Variants in BRINP3 observed in about 807,000 individuals in gnomAD.
BRINP3 encodes BMP/retinoic acid-inducible neural-specific protein 3.
Under a neutral mutation model 71.0 loss-of-function variants are expected in BRINP3, and 19 were observed. That is an observed-to-expected ratio of 0.27 (90% confidence interval 0.19 to 0.39). The LOEUF is 0.39. Among genes scored for constraint, BRINP3 ranks in the 10% least tolerant of loss-of-function variants. The pLI is 1.00. For synonymous variants in BRINP3, 380 were observed against 337.7 expected (o/e 1.13, Z -1.37); for missense variants, 959 against 940.8 (o/e 1.02, Z -0.25).
intron 2 of BRINP3, among the ~76,000 whole-genome samples, chr1:190,386,999 C>T (rs1571921818): frequency 6.6e-6 from 1 of 151,918 alleles, no homozygotes; most frequent in Non-Finnish European, 1.5e-5. Flanking sequence ...CAAAAAATGT[C>T]ACCTCTTAGT....
intron 1 of BRINP3, among the ~76,000 whole-genome samples, chr1:190,462,254 A>C (rs1341911332): frequency 6.6e-6 from 1 of 152,158 alleles, no homozygotes; most frequent in Non-Finnish European, 1.5e-5. Flanking sequence ...TAAGGACAAA[A>C]ATAGAAAGTA....
chr1:190,203,309 C>T (rs529312873), intron 6 of BRINP3, among the ~76,000 whole-genome samples: 58 of 151,662 alleles, frequency 3.8e-4, no homozygotes, highest in African/African-American at 1.4e-3. Flanking sequence ...GTTTTTAAAA[C>T]ATATGCCTCT....
intron 2 of BRINP3, among the ~76,000 whole-genome samples, chr1:190,319,550 G>A (rs765178783): frequency 7.2e-5 from 11 of 152,112 alleles, no homozygotes; most frequent in Non-Finnish European, 1.6e-4. Context: ...CAGAAAGCAT[G>A]ATGGCTTCTG....
intron 2 of BRINP3, among the ~76,000 whole-genome samples, chr1:190,301,302 G>A (rs1664723994): frequency 1.4e-5 from 2 of 143,998 alleles, no homozygotes; most frequent in African/African-American, 2.5e-5. Context: ...AGTTCCCATA[G>A]AAACATTACC....
chr1:190,270,916 T>G (rs1662055522), intron 3 of BRINP3, among the ~76,000 whole-genome samples: 1 of 151,598 alleles, frequency 6.6e-6, no homozygotes, highest in South Asian at 2.1e-4. Flanking sequence ...GGAAGGAGAC[T>G]TCCACGTTTT....
chr1:190,270,310 C>T (rs1219058818), intron 3 of BRINP3, among the ~76,000 whole-genome samples: 1 of 151,030 alleles, frequency 6.6e-6, no homozygotes, highest in Non-Finnish European at 1.5e-5. Flanking sequence ...GTTGTTTAGG[C>T]ACTAGAAACA....
chr1:190,284,783 A>G (rs1301273400), intron 2 of BRINP3, among the ~76,000 whole-genome samples: 5 of 152,088 alleles, frequency 3.3e-5, no homozygotes, highest in Non-Finnish European at 5.9e-5. Flanking sequence ...AAAAGAAAGA[A>G]ACTCTTTGGG....
At chr1:190,150,209 G>C in intron 7 of BRINP3, among the ~76,000 whole-genome samples, 1 of 152,066 alleles carries the variant, frequency 6.6e-6, no homozygotes, top group South Asian at 2.1e-4. Flanking sequence ...CCATTTTAAT[G>C]AGTTGGTATA....
chr1:190,166,189 C>T (rs1260363501), intron 6 of BRINP3, among the ~76,000 whole-genome samples: 1 of 152,084 alleles, frequency 6.6e-6, no homozygotes, highest in Admixed American at 6.6e-5. Context: ...AAGTAAATGG[C>T]AAGCCTGTTC....
chr1:190,385,598 T>C (rs1438328281), intron 2 of BRINP3, among the ~76,000 whole-genome samples: 3 of 152,054 alleles, frequency 2.0e-5, no homozygotes, highest in Non-Finnish European at 4.4e-5. Context: ...CTGGAGAGGA[T>C]GTGAAGAAAT....
chr1:190,397,307 T>G (rs1209623706), intron 2 of BRINP3, among the ~76,000 whole-genome samples: 1 of 151,982 alleles, frequency 6.6e-6, no homozygotes, highest in Non-Finnish European at 1.5e-5. Flanking sequence ...GAATTGTTCA[T>G]AGATGAATAT....
At chr1:190,387,659 C>T (rs183750425) in intron 2 of BRINP3, among the ~76,000 whole-genome samples, 2 of 151,684 alleles carry the variant, frequency 1.3e-5, no homozygotes, top group African/African-American at 4.8e-5. Flanking sequence ...TTTCCGGTTG[C>T]TTTTCCTATG....
intron 2 of BRINP3, among the ~76,000 whole-genome samples, chr1:190,386,476 T>TTATGTTTAAAATG: frequency 6.6e-6 from 1 of 151,874 alleles, no homozygotes; most frequent in Non-Finnish European, 1.5e-5. Context: ...AACAAATAAG[T>TTATGTTTAAAATG]ATATTTAAAA....
At chr1:190,396,975 AC>A (rs1671621637) in intron 2 of BRINP3, among the ~76,000 whole-genome samples, 2 of 151,802 alleles carry the variant, frequency 1.3e-5, no homozygotes, top group East Asian at 1.9e-4. Context: ...TCTCTTCAAG[AC>A]AAAGGGGATG....
chr1:190,392,118 G>C (rs1459445403), intron 2 of BRINP3, among the ~76,000 whole-genome samples: 1 of 151,434 alleles, frequency 6.6e-6, no homozygotes, highest in Non-Finnish European at 1.5e-5. Context: ...AAAAATATCT[G>C]TGTGTCTGAT....
chr1:190,303,590 A>T (rs1291741513), intron 2 of BRINP3, among the ~76,000 whole-genome samples: 1 of 151,932 alleles, frequency 6.6e-6, no homozygotes, highest in South Asian at 2.1e-4. Flanking sequence ...TATTCTGTCA[A>T]ATAGCCTTAC....
chr1:190,168,573 T>C (rs1023449200), intron 6 of BRINP3, among the ~76,000 whole-genome samples: 9 of 152,202 alleles, frequency 5.9e-5, no homozygotes, highest in Admixed American at 1.3e-4. Context: ...TGGAAGAACA[T>C]TGACTTCATA....
chr1:190,450,859 A>G (rs1323612179), intron 2 of BRINP3, among the ~76,000 whole-genome samples: 2 of 152,162 alleles, frequency 1.3e-5, no homozygotes, highest in Non-Finnish European at 2.9e-5. Context: ...TTTCCCACAC[A>G]TGATTTCATT....
chr1:190,367,417 C>G (rs894345461), intron 2 of BRINP3, among the ~76,000 whole-genome samples: 2 of 152,188 alleles, frequency 1.3e-5, no homozygotes, highest in African/African-American at 4.8e-5. Flanking sequence ...CCCACAAAAC[C>G]ATTTTTCCCT....
Sources: allele counts gnomAD v4.1 joint callset (sites outside exome capture counted in the v4.1 genomes callset), GRCh38; gene constraint gnomAD v4.1.1; transcripts MANE v1.5; gene names NCBI Gene and HGNC (gene_info 2026-07-23, HGNC 2026-07-21).